Variants in DYDC1 observed in about 807,000 individuals in gnomAD.
DYDC1 encodes DPY30 domain containing 1.
In DYDC1, 21 loss-of-function variants were observed where a neutral mutation model predicts 27.9. That is an observed-to-expected ratio of 0.75 (90% CI 0.53 to 1.08). DYDC1 has a LOEUF of 1.08. Among genes scored for constraint, DYDC1 ranks in the 50% least tolerant of loss-of-function variants. The probability of loss-of-function intolerance (pLI) is 0.00; values close to 1 mark genes in which losing one functional copy is unlikely to be tolerated. For synonymous variants in DYDC1, 67 were observed against 65.8 expected, an observed-to-expected ratio of 1.02 and a Z score of -0.09; for missense variants, 202 against 205.9, an observed-to-expected ratio of 0.98 and a Z score of 0.12.
intron 3 of DYDC1, among the ~76,000 whole-genome samples, chr10:80,348,402 C>T (rs1282436479): frequency 1.3e-5 from 2 of 152,190 alleles, no homozygotes; most frequent in Admixed American, 6.5e-5. Context: ...CATGGCAAAA[C>T]ATCACTCATA....
chr10:80,339,249 T>C lies in DYDC1; in HGVS notation c.343-96A>G, dbSNP rs1842236970. On this transcript the variant is annotated intron_variant, in intron 4 of 6. Coordinates refer to ENST00000372202, the MANE Select transcript of DYDC1 (RefSeq NM_001269053.2). ...TTTTTACTTTTACACAATGCTATGA[T>C]GAATTTAAAGCAAAAATGCTGTCAC... 1.3e-5 allele frequency: 6 copies of C among 470,830 alleles called. No homozygotes were observed. In the South Asian group the frequency reaches 2.5e-4, roughly 20 times the overall value. 29.2% of individuals were successfully genotyped at this position (470,830 alleles called of 1,614,324 possible).
intron 3 of DYDC1, among the ~76,000 whole-genome samples, chr10:80,347,240 CTATT>C (rs1016153179): frequency 1.6e-5 from 2 of 122,090 alleles, no homozygotes; most frequent in African/African-American, 6.0e-5. Flanking sequence ...GGAGAAATGT[CTATT>C]TAGGTCCTTT....
At chr10:80,343,121 C>T (rs902369775) in intron 3 of DYDC1, among the ~76,000 whole-genome samples, 1 of 152,116 alleles carries the variant, frequency 6.6e-6, no homozygotes, top group African/African-American at 2.4e-5. Context: ...CCAAAGCCAA[C>T]CCACCTCCTG....
At chr10:80,343,927 C>G (rs1384090090) in intron 3 of DYDC1, among the ~76,000 whole-genome samples, 1 of 151,990 alleles carries the variant, frequency 6.6e-6, no homozygotes, top group Non-Finnish European at 1.5e-5. Flanking sequence ...ACCAGCCTGG[C>G]CAACATGGTG....
chr10:80,352,023 C>T (rs748834570), intron 2 of DYDC1, 21 bp from the exon 3 acceptor site: 1 of 1,607,642 alleles, frequency 6.2e-7, no homozygotes, highest in South Asian at 1.1e-5. Context: ...TTAAAAACAA[C>T]AGCACACGAC....
chr10:80,352,555 T>C lies in DYDC1; in HGVS notation c.47A>G (p.Gln16Arg). The stretch of plus-strand genomic sequence containing the variant: ...AACTCTTGCCACTTCTGCAAGACCT[T>C]GAGTTAAACAGGCCCCAAGGTGCTT... ...LQKHLGACLT[Q>R]GLAEVARVRP... The change falls in exon 2 of 7, where the codon CAA (glutamine) becomes CGA (arginine). Residue 16 changes from glutamine to arginine, a missense_variant. Physicochemically the swap from Gln to Arg is conservative, Grantham distance 43. Coordinates refer to ENST00000372202, the MANE Select transcript of DYDC1 (RefSeq NM_001269053.2). The C allele has an allele frequency of 6.2e-7, 1 of 1,613,490 alleles. No individual in the cohort carries two copies. The highest frequency in any genetic ancestry group is 1.1e-5 in the South Asian group (1 of 90,930).
intron 3 of DYDC1, among the ~76,000 whole-genome samples, chr10:80,350,103 CCTAT>C (rs556141781): frequency 1.3e-3 from 203 of 152,272 alleles, no homozygotes; most frequent in African/African-American, 4.5e-3. Context: ...ATCGATCTCT[CCTAT>C]CTATTTCTGC....
At position 80,338,188 on chromosome 10, in the gene DYDC1, T is replaced by C. The variant is rs532004001; in HGVS notation, c.504+279A>G. Reference sequence around the variant, plus strand: ...GTGCCCCCCACACCAAATTTAAAGATTATATATTTCACAAAATGATTTTAA... The same window carrying C: ...GTGCCCCCCACACCAAATTTAAAGACTATATATTTCACAAAATGATTTTAA... On this transcript the variant is annotated intron_variant, in intron 6 of 6. Coordinates refer to ENST00000372202, the MANE Select transcript of DYDC1 (RefSeq NM_001269053.2). 3.0e-6 allele frequency: 3 copies of C among 985,398 alleles called. No homozygotes were observed. In the South Asian group the frequency reaches 1.4e-4, roughly 46 times the overall value. 61.0% of individuals were successfully genotyped at this position (985,398 alleles called of 1,614,324 possible).
chr10:80,337,302 T>C (rs928052468), intron 6 of DYDC1: 1 of 985,470 alleles, frequency 1.0e-6, no homozygotes. Flanking sequence ...TCATTGGCAT[T>C]TTCTAGCTCC....
At chr10:80,347,768 C>G (rs1412797372) in intron 3 of DYDC1, among the ~76,000 whole-genome samples, 3 of 152,136 alleles carry the variant, frequency 2.0e-5, no homozygotes, top group Non-Finnish European at 4.4e-5. Flanking sequence ...ACCGTATATA[C>G]TTGGGCTTAT....
intron 3 of DYDC1, among the ~76,000 whole-genome samples, chr10:80,345,482 T>C (rs539815764): frequency 6.6e-6 from 1 of 152,310 alleles, no homozygotes; most frequent in Non-Finnish European, 1.5e-5. Flanking sequence ...TACAATCTTA[T>C]TGGCTATCAT....
chr10:80,338,137 A>G (rs1183368090), intron 6 of DYDC1: 3 of 985,344 alleles, frequency 3.0e-6, no homozygotes, highest in Non-Finnish European at 3.6e-6. Flanking sequence ...ATTTGGTTCC[A>G]GGGTTTGCTA....
At chr10:80,348,794 T>C (rs1403620135) in intron 3 of DYDC1, among the ~76,000 whole-genome samples, 1 of 152,200 alleles carries the variant, frequency 6.6e-6, no homozygotes. Flanking sequence ...ATTTAAATTA[T>C]ACACACATAG....
rs753980282 is a variant in DYDC1, at chr10:80,342,409, T to A, written c.250-48A>T. The A allele has an allele frequency of 2.2e-5, 34 of 1,580,344 alleles. No homozygotes were observed. In the South Asian group the frequency reaches 3.6e-4, roughly 17 times the overall value. ...TATTACAGTTAGATTAATTGCAAGA[T>A]AATTAAGTTTATACCCACCTTCATT... On this transcript the variant is annotated intron_variant, in intron 3 of 6. Transcript: ENST00000372202.
intron 6 of DYDC1, chr10:80,337,008 C>T (rs910790094): frequency 1.9e-6 from 1 of 533,300 alleles, no homozygotes; most frequent in South Asian, 8.2e-5. Context: ...ATCCCTAAGG[C>T]AACATACAAG....
intron 3 of DYDC1, among the ~76,000 whole-genome samples, chr10:80,348,773 G>T (rs953247902): frequency 6.6e-6 from 1 of 152,202 alleles, no homozygotes; most frequent in Non-Finnish European, 1.5e-5. Flanking sequence ...TCTAAGGAAT[G>T]AATATGCTTA....
intron 4 of DYDC1, 116 bp downstream of exon 4, chr10:80,342,153 T>C (rs1842349735): frequency 9.7e-6 from 9 of 931,624 alleles, no homozygotes; most frequent in East Asian, 2.5e-5. Flanking sequence ...ACAGCTAGTA[T>C]GTGGCATGTC....
intron 1 of DYDC1, among the ~76,000 whole-genome samples, chr10:80,355,673 G>C (rs1018662299): frequency 6.6e-6 from 1 of 152,112 alleles, no homozygotes; most frequent in African/African-American, 2.4e-5. Flanking sequence ...TGATCTCTAA[G>C]ACACAGAATA....
rs1229324456 is a variant in DYDC1 at position 80,342,279 on chromosome 10, T to G, written c.332A>C (p.Gln111Pro). The change falls in exon 4 of 7, where the codon CAA becomes CCA. Residue 111 changes from glutamine to proline, a missense_variant. By Grantham distance (76) the Gln-to-Pro change is moderately conservative (BLOSUM62 -1). Transcript: ENST00000372202. ...RIQELQRAQE[Q>P]LGKEMRMNME... ...AAAACTTCAAATTACCTTGCCTAAT[T>G]GTTCTTGAGCTCTCTGTAGTTCTTG... 3 of 1,613,632 alleles carry G rather than the reference T, an allele frequency of 1.9e-6. No individual in the cohort carries two copies. Among genetic ancestry groups the G allele is most frequent in the Non-Finnish European group, 2.5e-6 (3 of 1,179,900 alleles).
Sources: gnomAD v4.1 joint callset for allele counts (sites outside exome capture counted in the v4.1 genomes callset) on GRCh38, gnomAD v4.1.1 for gene constraint, MANE v1.5 for transcripts, NCBI Gene and HGNC (gene_info 2026-07-23, HGNC 2026-07-21) for gene names.